RALGAPA1: variants seen among roughly 807,000 people sequenced by gnomAD.
RALGAPA1 encodes Ral GTPase activating protein catalytic subunit alpha 1, also known as ral GTPase-activating protein subunit alpha-1.
In RALGAPA1, 52 loss-of-function variants were observed where a neutral mutation model predicts 269.6. That is an observed-to-expected ratio of 0.19 (90% CI 0.15 to 0.24). RALGAPA1 has a LOEUF of 0.24. Among genes scored for constraint, RALGAPA1 ranks in the 10% least tolerant of loss-of-function variants. The pLI is 1.00. For missense variants in RALGAPA1, 1,917 were observed against 3,013.9 expected, an observed-to-expected ratio of 0.64 and a Z score of 8.52; for synonymous variants, 817 against 1,008.3, an observed-to-expected ratio of 0.81 and a Z score of 3.60.
At chr14:35,715,989 G>A (rs1291102410) in intron 16 of RALGAPA1, 2 of 985,150 alleles carry the variant, frequency 2.0e-6, no homozygotes, top group Admixed American at 6.2e-5. Context: ...ATATCTAATA[G>A]CTCCAGAATA....
intron 41 of RALGAPA1, among the ~76,000 whole-genome samples, chr14:35,543,313 C>A (rs1165878211): frequency 6.6e-6 from 1 of 151,996 alleles, no homozygotes; most frequent in Admixed American, 6.6e-5. Flanking sequence ...TGCTATTAAA[C>A]AGAGAAAAAT....
chr14:35,548,686 A>C (rs978618581), intron 40 of RALGAPA1, 148 bp from the exon 41 acceptor site: 1 of 539,912 alleles, frequency 1.9e-6, no homozygotes, highest in South Asian at 3.2e-5. Context: ...ATTGTAACAT[A>C]AATTACAGTA....
chr14:35,629,757 C>T (rs2061232120), intron 33 of RALGAPA1, among the ~76,000 whole-genome samples: 1 of 152,120 alleles, frequency 6.6e-6, no homozygotes, highest in African/African-American at 2.4e-5. Flanking sequence ...CCTAGGCCTC[C>T]CAAAGGGTTG....
chr14:35,662,985 C>T (rs1360082005), intron 27 of RALGAPA1, among the ~76,000 whole-genome samples: 2 of 151,744 alleles, frequency 1.3e-5, no homozygotes, highest in African/African-American at 4.8e-5. Context: ...GGCTGGAGTG[C>T]GGTGGCACAA....
chr14:35,677,286 T>G (rs1284778600), intron 22 of RALGAPA1: 1 of 152,274 alleles, frequency 6.6e-6, no homozygotes, highest in Non-Finnish European at 1.5e-5. Context: ...AACTAGCTTT[T>G]CATTCATTGT....
In RALGAPA1 at chr14:35,549,098, T is replaced by C. The variant is rs1194672816; in HGVS notation, c.7621+12A>G. 1 of 1,610,908 alleles carries C rather than the reference T, an allele frequency of 6.2e-7. No homozygotes were observed. The highest frequency in any genetic ancestry group is 8.5e-7 in the Non-Finnish European group (1 of 1,179,054). Reference sequence around the variant, plus strand: ...CCAATAACAAGTAACTAATACTCGCTTTTAATCTTACCGGCATCAGATGGT... The same window carrying C: ...CCAATAACAAGTAACTAATACTCGCCTTTAATCTTACCGGCATCAGATGGT... On this transcript the variant is annotated intron_variant, in intron 40 of 41. Transcript: ENST00000680220.
intron 28 of RALGAPA1, among the ~76,000 whole-genome samples, chr14:35,656,868 T>G (rs2063208896): frequency 6.6e-6 from 1 of 152,170 alleles, no homozygotes; most frequent in Non-Finnish European, 1.5e-5. Context: ...CTAGGTAATA[T>G]TTGTAGCACT....
chr14:35,663,124 G>C (rs914557605), intron 27 of RALGAPA1, among the ~76,000 whole-genome samples: 26 of 151,992 alleles, frequency 1.7e-4, no homozygotes, highest in Admixed American at 2.6e-4. Flanking sequence ...GGCTGGTCTT[G>C]AACTCCTGGA....
At chr14:35,640,789 C>T (rs976196829) in intron 31 of RALGAPA1, among the ~76,000 whole-genome samples, 4 of 152,086 alleles carry the variant, frequency 2.6e-5, no homozygotes, top group African/African-American at 7.2e-5. Flanking sequence ...AAGAAAACTA[C>T]AGGCCAATAT....
chr14:35,632,497 C>A (rs2061419673), intron 33 of RALGAPA1, among the ~76,000 whole-genome samples: 1 of 152,172 alleles, frequency 6.6e-6, no homozygotes, highest in South Asian at 2.1e-4. Context: ...CAATTCACTG[C>A]ACTGTAATAG....
At chr14:35,729,874 G>A (rs546954398) in intron 12 of RALGAPA1, among the ~76,000 whole-genome samples, 7 of 152,302 alleles carry the variant, frequency 4.6e-5, no homozygotes, top group African/African-American at 1.7e-4. Flanking sequence ...CATCATGGCT[G>A]ACGGGAAGCA....
At chr14:35,747,100 G>A (rs779156820) in intron 10 of RALGAPA1, among the ~76,000 whole-genome samples, 3 of 151,862 alleles carry the variant, frequency 2.0e-5, no homozygotes, top group Non-Finnish European at 4.4e-5. Context: ...GATTGCTTGA[G>A]GCCAGGAGTT....
In RALGAPA1 at chr14:35,605,766, C is replaced by T. The variant is rs192249582; in HGVS notation, c.6930-57G>A. On this transcript the variant is annotated intron_variant, in intron 35 of 41. Transcript: ENST00000680220. ...ATCACTATTTTATCTACTCATTCATCCAACAATTAAGTTCTATGTACAAAG... is the reference window on the plus strand; with the variant it reads ...ATCACTATTTTATCTACTCATTCATTCAACAATTAAGTTCTATGTACAAAG... The T allele has an allele frequency of 1.3e-5, 20 of 1,569,626 alleles. No individual in the cohort carries two copies. The East Asian group carries it at 3.0e-4, about 23-fold the overall frequency.
At chr14:35,549,031 TCAAGCAAG>T in intron 40 of RALGAPA1, 71 bp downstream of exon 40, 2 of 1,499,524 alleles carry the variant, frequency 1.3e-6, no homozygotes, top group Admixed American at 2.0e-5. Context: ...AGAATTTTTT[TCAAGCAAG>T]TTTTTAGAAC....
intron 17 of RALGAPA1, among the ~76,000 whole-genome samples, chr14:35,694,719 T>C (rs540358607): frequency 3.3e-5 from 5 of 152,200 alleles, no homozygotes; most frequent in African/African-American, 7.2e-5. Context: ...GTTTTGCTTA[T>C]GATTATGCTA....
rs543864170 is a variant in RALGAPA1 at position 35,657,442 on chromosome 14, G to A, written c.5388-1527C>T. ...TGACCTCAGGTGATCCACTCTCCTC[G>A]GCCTCCCAAAGTGCTGGGATTCCAG... On this transcript the variant is annotated intron_variant, in intron 28 of 41. Coordinates refer to ENST00000680220, the MANE Select transcript of RALGAPA1 (RefSeq NM_001346249.2). Among the ~76,000 whole-genome samples the A allele has an allele frequency of 2.9e-3, 435 of 151,766 alleles. 1 individual carries two copies. Among genetic ancestry groups the A allele is most frequent in the African/African-American group, 0.01 (418 of 41,446 alleles).
chr14:35,719,039 T>G (rs1301549428), intron 16 of RALGAPA1, among the ~76,000 whole-genome samples: 1 of 151,832 alleles, frequency 6.6e-6, no homozygotes, highest in Non-Finnish European at 1.5e-5. Flanking sequence ...AGACAGAGTT[T>G]CACCATGTTG....
intron 12 of RALGAPA1, among the ~76,000 whole-genome samples, chr14:35,729,322 T>C (rs1484408992): frequency 6.6e-6 from 1 of 152,060 alleles, no homozygotes; most frequent in African/African-American, 2.4e-5. Context: ...CATTCAACAC[T>C]TATGACTGAA....
In RALGAPA1 at chr14:35,766,331, C is replaced by A. The variant is rs1419560551; in HGVS notation, c.326-3578G>T. On this transcript the variant is annotated intron_variant, in intron 4 of 41. Coordinates refer to ENST00000680220, the MANE Select transcript of RALGAPA1 (RefSeq NM_001346249.2). ...CAGCACAGGATCCTGTTAAACCATT[C>A]ATGATTCCCAGTTTGACAAATGTGA... The A allele has an allele frequency of 5.2e-6, 6 of 1,160,904 alleles. No individual in the cohort carries two copies. The African/African-American group carries it at 7.6e-5, about 15-fold the overall frequency. 71.9% of individuals were successfully genotyped at this position (1,160,904 alleles called of 1,614,324 possible).
Sources: allele counts gnomAD v4.1 joint callset (sites outside exome capture counted in the v4.1 genomes callset), GRCh38; gene constraint gnomAD v4.1.1; transcripts MANE v1.5; gene names NCBI Gene and HGNC (gene_info 2026-07-23, HGNC 2026-07-21).